RALGPS1: variants seen among roughly 807,000 people sequenced by gnomAD.
The protein encoded by RALGPS1 is Ral GEF with PH domain and SH3 binding motif 1, also known as ras-specific guanine nucleotide-releasing factor RalGPS1.
In RALGPS1, 19 loss-of-function variants were observed where a neutral mutation model predicts 78.8. That is an observed-to-expected ratio of 0.24 (90% confidence interval 0.17 to 0.35). The LOEUF (loss-of-function observed/expected upper bound fraction) is 0.35, where lower values mean the gene tolerates loss of function less well. Ranked by LOEUF, RALGPS1 falls within the 10% of genes least tolerant of loss-of-function variation. The pLI is 1.00. For synonymous variants in RALGPS1, 228 were observed against 256.3 expected (o/e 0.89, Z 1.06); for missense variants, 454 against 688.3 (o/e 0.66, Z 3.81).
chr9:127,060,179 C>G (rs919187971), intron 7 of RALGPS1, among the ~76,000 whole-genome samples: 1 of 152,156 alleles, frequency 6.6e-6, no homozygotes, highest in East Asian at 1.9e-4. Flanking sequence ...CAGAGAGACA[C>G]GTCAGGTATT....
chr9:127,048,004 C>A (rs1399615046), intron 5 of RALGPS1, among the ~76,000 whole-genome samples: 1 of 152,220 alleles, frequency 6.6e-6, no homozygotes, highest in Admixed American at 6.5e-5. Context: ...ACCTCCTCAT[C>A]TCTCACTGAG....
chr9:127,210,875 G>T (rs775358620), intron 14 of RALGPS1: 123 of 1,089,794 alleles, frequency 1.1e-4, no homozygotes, highest in Non-Finnish European at 1.5e-4. Flanking sequence ...GAAAGAAACA[G>T]ACACAGCCTT....
At chr9:127,213,083 GCT>G in intron 17 of RALGPS1, 34 bp downstream of exon 17, 3 of 1,613,648 alleles carry the variant, frequency 1.9e-6, no homozygotes, top group Non-Finnish European at 2.5e-6. Context: ...GCCTGCAGCT[GCT>G]CTCTGCCCAT....
At chr9:127,162,398 A>G (rs557313025) in intron 8 of RALGPS1, among the ~76,000 whole-genome samples, 15 of 152,370 alleles carry the variant, frequency 9.8e-5, no homozygotes, top group Non-Finnish European at 2.2e-4. Flanking sequence ...TTAGGCTTAT[A>G]CATATCTCTG....
chr9:127,086,745 A>G (rs565417996), intron 8 of RALGPS1, among the ~76,000 whole-genome samples: 1 of 152,088 alleles, frequency 6.6e-6, no homozygotes, highest in South Asian at 2.1e-4. Flanking sequence ...CTTTTCCTTT[A>G]GGTTTTGGGG....
chr9:127,066,565 C>T (rs924100687), intron 7 of RALGPS1, among the ~76,000 whole-genome samples: 4 of 152,134 alleles, frequency 2.6e-5, no homozygotes, highest in African/African-American at 7.2e-5. Context: ...TGCTTGAACC[C>T]AGGAGTCAGG....
intron 11 of RALGPS1, among the ~76,000 whole-genome samples, chr9:127,187,165 G>A (rs887058265): frequency 1.1e-4 from 17 of 152,190 alleles, no homozygotes; most frequent in African/African-American, 3.9e-4. Context: ...AACAGGACTT[G>A]GAAGTGTTTA....
intron 8 of RALGPS1, among the ~76,000 whole-genome samples, chr9:127,083,860 A>C (rs2051413461): frequency 6.6e-6 from 1 of 152,132 alleles, no homozygotes; most frequent in African/African-American, 2.4e-5. Flanking sequence ...CCTAAAGCTG[A>C]CCAGCTGTGG....
chr9:127,084,915 G>A (rs926435615), intron 8 of RALGPS1, among the ~76,000 whole-genome samples: 2 of 152,196 alleles, frequency 1.3e-5, no homozygotes, highest in African/African-American at 2.4e-5. Context: ...AGTCATGTGG[G>A]TTTCTCTTAC....
chr9:126,979,684 G>C (rs1053409543), intron 4 of RALGPS1, among the ~76,000 whole-genome samples: 2 of 152,246 alleles, frequency 1.3e-5, no homozygotes, highest in African/African-American at 4.8e-5. Context: ...GCCAAGGCCA[G>C]ACCAAGACTT....
chr9:126,980,797 C>G (rs1318847936), intron 4 of RALGPS1, among the ~76,000 whole-genome samples: 2 of 152,210 alleles, frequency 1.3e-5, no homozygotes, highest in Admixed American at 1.3e-4. Flanking sequence ...AAGCTCTCAG[C>G]CCCTGTTGCA....
chr9:127,138,442 T>G (rs2057544017), intron 8 of RALGPS1, among the ~76,000 whole-genome samples: 1 of 152,156 alleles, frequency 6.6e-6, no homozygotes, highest in Non-Finnish European at 1.5e-5. Context: ...TCCCAGAGTT[T>G]GGATGACAGA....
intron 6 of RALGPS1, among the ~76,000 whole-genome samples, chr9:127,051,102 T>G: frequency 6.6e-6 from 1 of 152,220 alleles, no homozygotes; most frequent in East Asian, 1.9e-4. Flanking sequence ...ATGGGCGGGT[T>G]AAGTGCATCA....
chr9:127,081,996 G>C (rs2051222264), intron 8 of RALGPS1, among the ~76,000 whole-genome samples: 1 of 152,230 alleles, frequency 6.6e-6, no homozygotes, highest in Non-Finnish European at 1.5e-5. Flanking sequence ...CTCAGGGATG[G>C]CTGGTATTGA....
At chr9:127,038,373 A>AGCT (rs1452628122) in intron 5 of RALGPS1, among the ~76,000 whole-genome samples, 2 of 152,192 alleles carry the variant, frequency 1.3e-5, no homozygotes, top group African/African-American at 2.4e-5. Context: ...AAATTTACAT[A>AGCT]GCTGGTGAAT....
At chr9:127,207,839 C>CT (rs2062017189) in intron 14 of RALGPS1, among the ~76,000 whole-genome samples, 1 of 152,242 alleles carries the variant, frequency 6.6e-6, no homozygotes, top group South Asian at 2.1e-4. Flanking sequence ...CCTTCAAGGC[C>CT]TGGGGTCGCT....
At chr9:126,970,999 G>A (rs1302132223) in intron 3 of RALGPS1, among the ~76,000 whole-genome samples, 1 of 152,082 alleles carries the variant, frequency 6.6e-6, no homozygotes, top group Non-Finnish European at 1.5e-5. Context: ...AGAACTTAGG[G>A]AAGACTTAAA....
At chr9:127,070,042 C>T (rs182251589) in intron 8 of RALGPS1, 2 of 152,328 alleles carry the variant, frequency 1.3e-5, no homozygotes, top group Admixed American at 1.3e-4. Flanking sequence ...CTTTTTGGCA[C>T]CAGGGACCAG....
chr9:127,191,514 T>C (rs1310336382), intron 11 of RALGPS1, among the ~76,000 whole-genome samples: 1 of 152,208 alleles, frequency 6.6e-6, no homozygotes, highest in East Asian at 1.9e-4. Flanking sequence ...GCTCTCACTT[T>C]GTATTCACTG....
Sources: allele counts gnomAD v4.1 joint callset (sites outside exome capture counted in the v4.1 genomes callset), GRCh38; gene constraint gnomAD v4.1.1; transcripts MANE v1.5; gene names NCBI Gene and HGNC (gene_info 2026-07-23, HGNC 2026-07-21).